ARK2N: variants seen among roughly 807,000 people sequenced by gnomAD.
ARK2N encodes arkadia (RNF111) N-terminal like PKA signaling regulator 2N.
At chr18:46,239,487 G>T in the ARK2N span, among the ~76,000 whole-genome samples, 2 of 152,198 alleles carry the variant, frequency 1.3e-5, no homozygotes, top group Non-Finnish European at 2.9e-5. Context: ...AGATATGTTA[G>T]TCAAACAGAG....
At chr18:46,184,218 C>T in the ARK2N span, among the ~76,000 whole-genome samples, 4 of 152,298 alleles carry the variant, frequency 2.6e-5, no homozygotes, top group East Asian at 5.8e-4. Flanking sequence ...TCTCGAACTC[C>T]TGACCTCGTG....
At chr18:46,264,175 G>A in the ARK2N span, 1 of 152,650 alleles carries the variant, frequency 6.6e-6, no homozygotes, top group South Asian at 2.1e-4. Context: ...TGTACCATAA[G>A]AAATCAGATG....
the ARK2N span, among the ~76,000 whole-genome samples, chr18:46,174,530 G>T: frequency 1.3e-5 from 2 of 152,154 alleles, no homozygotes; most frequent in South Asian, 4.1e-4. Flanking sequence ...GGCTGACGCT[G>T]GGGCATCGCA....
chr18:46,186,097 A>G, the ARK2N span, among the ~76,000 whole-genome samples: 1 of 152,146 alleles, frequency 6.6e-6, no homozygotes, highest in Non-Finnish European at 1.5e-5. Flanking sequence ...GAATAGGCAA[A>G]CTTTCACAAA....
At chr18:46,240,023 C>G in the ARK2N span, 136 of 1,613,888 alleles carry the variant, frequency 8.4e-5, 2 homozygotes, top group South Asian at 1.5e-3. Context: ...CCAGTTGTAG[C>G]TCATTATGAT....
At chr18:46,233,607 A>G in the ARK2N span, among the ~76,000 whole-genome samples, 1 of 152,124 alleles carries the variant, frequency 6.6e-6, no homozygotes, top group Non-Finnish European at 1.5e-5. Context: ...CAGCTTTTCC[A>G]TTACTCTGAT....
the ARK2N span, among the ~76,000 whole-genome samples, chr18:46,197,554 CATTTA>C: frequency 8.5e-5 from 13 of 152,166 alleles, 1 homozygote; most frequent in Non-Finnish European, 1.9e-4. Flanking sequence ...CTCTTTACAG[CATTTA>C]ATTAAGTCCA....
At chr18:46,181,564 A>G in the ARK2N span, among the ~76,000 whole-genome samples, 1 of 152,016 alleles carries the variant, frequency 6.6e-6, no homozygotes, top group East Asian at 1.9e-4. Context: ...AATACAAAAA[A>G]TTAGCCAGAC....
the ARK2N span, among the ~76,000 whole-genome samples, chr18:46,209,370 T>A: frequency 6.6e-6 from 1 of 150,436 alleles, no homozygotes; most frequent in Non-Finnish European, 1.5e-5. Context: ...AAGAAGGAGG[T>A]CTGATATGAA....
chr18:46,197,269 AGAGTCTG>A, the ARK2N span, among the ~76,000 whole-genome samples: 1 of 151,790 alleles, frequency 6.6e-6, no homozygotes, highest in Non-Finnish European at 1.5e-5. Context: ...TTTTTGAGAC[AGAGTCTG>A]GAGTCTGGAG....
the ARK2N span, among the ~76,000 whole-genome samples, chr18:46,180,314 A>G: frequency 1.3e-5 from 2 of 152,238 alleles, no homozygotes; most frequent in Admixed American, 1.3e-4. Context: ...GTGGAAATCT[A>G]TCAGCAGGGA....
At chr18:46,262,577 T>C in the ARK2N span, among the ~76,000 whole-genome samples, 3 of 152,348 alleles carry the variant, frequency 2.0e-5, no homozygotes, top group East Asian at 5.8e-4. Flanking sequence ...TTTGGGCATC[T>C]TAACTTTGTT....
the ARK2N span, among the ~76,000 whole-genome samples, chr18:46,186,498 A>ATTTTTTT: frequency 1.2e-5 from 1 of 81,858 alleles, no homozygotes; most frequent in African/African-American, 5.7e-5. Flanking sequence ...CCAACTGGTG[A>ATTTTTTT]TTTTTTTTTT....
chr18:46,183,967 G>A, the ARK2N span, among the ~76,000 whole-genome samples: 1 of 151,314 alleles, frequency 6.6e-6, no homozygotes, highest in Admixed American at 6.6e-5. Flanking sequence ...AGGATTACAG[G>A]TGTGTGCCAC....
chr18:46,232,084 T>C, the ARK2N span: 1 of 152,220 alleles, frequency 6.6e-6, no homozygotes, highest in Non-Finnish European at 1.5e-5. Flanking sequence ...TTAAAGTGTA[T>C]TAAGTCTGCT....
At chr18:46,186,498 ATTTTT>A in the ARK2N span, among the ~76,000 whole-genome samples, 2 of 81,858 alleles carry the variant, frequency 2.4e-5, no homozygotes, top group African/African-American at 5.7e-5. Context: ...CCAACTGGTG[ATTTTT>A]TTTTTTTTTT....
the ARK2N span, among the ~76,000 whole-genome samples, chr18:46,188,535 G>A: frequency 2.6e-5 from 4 of 151,932 alleles, no homozygotes; most frequent in African/African-American, 7.3e-5. Context: ...TAGTAGGGAC[G>A]AGGTCTCACT....
the ARK2N span, among the ~76,000 whole-genome samples, chr18:46,258,751 T>C: frequency 6.6e-6 from 1 of 152,140 alleles, no homozygotes; most frequent in Admixed American, 6.5e-5. Flanking sequence ...AGTATGTTCC[T>C]ACCTCATGTC....
At chr18:46,234,768 G>A in the ARK2N span, among the ~76,000 whole-genome samples, 3 of 152,102 alleles carry the variant, frequency 2.0e-5, no homozygotes, top group African/African-American at 7.2e-5. Flanking sequence ...TCTTGGTGTT[G>A]TGTGGATAAC....
Sources: gnomAD v4.1 joint callset for allele counts (sites outside exome capture counted in the v4.1 genomes callset) on GRCh38, gnomAD v4.1.1 for gene constraint, MANE v1.5 for transcripts, NCBI Gene and HGNC (gene_info 2026-07-23, HGNC 2026-07-21) for gene names.